The following UST variants were observed in gnomAD, a reference collection of about 807,000 sequenced individuals.
UST encodes the protein chondroitin sulfate 2-O-sulfotransferase.
A neutral mutation model predicts 45.6 loss-of-function variants in UST; 21 were observed. The observed-to-expected ratio is 0.46, with a 90% CI of 0.33 to 0.66. UST has a LOEUF of 0.66. UST is among the 30% of genes least tolerant of loss of function. The probability of loss-of-function intolerance (pLI) is 0.02; values close to 1 mark genes in which losing one functional copy is unlikely to be tolerated. For missense variants in UST, 463 were observed against 512.4 expected, an observed-to-expected ratio of 0.90 and a Z score of 0.93; for synonymous variants, 215 against 200.6, an observed-to-expected ratio of 1.07 and a Z score of -0.61.
intron 3 of UST, among the ~76,000 whole-genome samples, chr6:148,945,480 G>A (rs115290317): frequency 2.6e-5 from 4 of 152,304 alleles, no homozygotes; most frequent in African/African-American, 9.6e-5. Flanking sequence ...CTTTAATGAA[G>A]TGTCACAAGA....
chr6:148,864,388 C>T (rs1326288582), intron 1 of UST, among the ~76,000 whole-genome samples: 1 of 152,206 alleles, frequency 6.6e-6, no homozygotes, highest in Non-Finnish European at 1.5e-5. Flanking sequence ...CCTGATTTTC[C>T]AGGTGCCATG....
At chr6:149,024,386 A>G (rs1024677946) in intron 7 of UST, among the ~76,000 whole-genome samples, 29 of 152,158 alleles carry the variant, frequency 1.9e-4, no homozygotes, top group African/African-American at 5.8e-4. Context: ...TGCCCAATAA[A>G]ATGAACCTTT....
intron 4 of UST, among the ~76,000 whole-genome samples, chr6:148,960,629 G>C (rs1246046752): frequency 6.6e-6 from 1 of 152,170 alleles, no homozygotes; most frequent in East Asian, 1.9e-4. Flanking sequence ...TTTGGAGACG[G>C]GTGATAATGA....
chr6:148,866,103 G>A (rs985855917), intron 1 of UST, among the ~76,000 whole-genome samples: 1 of 142,980 alleles, frequency 7.0e-6, no homozygotes, highest in African/African-American at 2.6e-5. Flanking sequence ...ATTCTTCCCT[G>A]CTTTTTTCCA....
At chr6:148,966,125 G>A (rs1180756472) in intron 5 of UST, among the ~76,000 whole-genome samples, 2 of 151,982 alleles carry the variant, frequency 1.3e-5, no homozygotes, top group Non-Finnish European at 2.9e-5. Flanking sequence ...TTGGGAGGCT[G>A]AGGCAGGAGA....
chr6:149,019,107 A>G, intron 5 of UST, 32 bp from the exon 6 acceptor site: 3 of 1,517,196 alleles, frequency 2.0e-6, no homozygotes, highest in Non-Finnish European at 2.7e-6. Flanking sequence ...CAGAGACTAC[A>G]AGACATCTGA....
chr6:149,018,226 C>T (rs534164890), intron 5 of UST, among the ~76,000 whole-genome samples: 1 of 152,192 alleles, frequency 6.6e-6, no homozygotes, highest in South Asian at 2.1e-4. Context: ...GCTAAACACC[C>T]ACACCTAAAC....
At chr6:148,875,785 C>T (rs996070170) in intron 1 of UST, among the ~76,000 whole-genome samples, 1 of 152,232 alleles carries the variant, frequency 6.6e-6, no homozygotes, top group African/African-American at 2.4e-5. Context: ...GCTTCGGCGA[C>T]ACAGCAAGAC....
At chr6:148,768,305 T>G (rs1230450446) in intron 1 of UST, among the ~76,000 whole-genome samples, 2 of 152,164 alleles carry the variant, frequency 1.3e-5, no homozygotes, top group African/African-American at 4.8e-5. Context: ...TTAAATTTCT[T>G]TTGCAATTTT....
chr6:148,827,345 G>A (rs941802804), intron 1 of UST, among the ~76,000 whole-genome samples: 1 of 152,100 alleles, frequency 6.6e-6, no homozygotes, highest in Non-Finnish European at 1.5e-5. Context: ...GTCTGGGGCC[G>A]GCCGCGGTGG....
chr6:148,877,508 G>T (rs796823920), intron 1 of UST, among the ~76,000 whole-genome samples: 1 of 99,040 alleles, frequency 1.0e-5, no homozygotes, highest in East Asian at 4.0e-4. Context: ...GTGTGTGGGT[G>T]GGGGGGTTGT....
chr6:149,008,906 A>G (rs1775761479), intron 5 of UST, among the ~76,000 whole-genome samples: 2 of 152,230 alleles, frequency 1.3e-5, no homozygotes, highest in Non-Finnish European at 2.9e-5. Context: ...AAACGCTACC[A>G]ATGTCAGCAC....
At chr6:148,840,470 C>G (rs1365645768) in intron 1 of UST, among the ~76,000 whole-genome samples, 1 of 152,084 alleles carries the variant, frequency 6.6e-6, no homozygotes, top group Non-Finnish European at 1.5e-5. Flanking sequence ...TTCGTCATAT[C>G]CTAGTGGTTA....
rs74618217 is a variant in UST at position 148,995,657 on chromosome 6, A to G, written c.682-23482A>G. ...GACTTGCCGACGTGTTTTGTTTCAT[A>G]TATGGGTTTTGTTGTTGTTTGTAGT... On this transcript the variant is annotated intron_variant, in intron 5 of 7. Coordinates refer to ENST00000367463, the MANE Select transcript of UST (RefSeq NM_005715.3). 5.3e-3 allele frequency among the ~76,000 whole-genome samples: 809 copies of G among 152,354 alleles called. 3 individuals carry two copies. The highest frequency in any genetic ancestry group is 9.4e-3 in the Non-Finnish European group (640 of 68,028).
intron 1 of UST, among the ~76,000 whole-genome samples, chr6:148,861,798 T>C (rs1003356526): frequency 2.6e-5 from 4 of 152,232 alleles, no homozygotes; most frequent in Admixed American, 1.3e-4. Flanking sequence ...TTCCATGTAG[T>C]TGAGCGGTAT....
At chr6:149,030,587 C>T (rs557361763) in intron 7 of UST, among the ~76,000 whole-genome samples, 3 of 152,130 alleles carry the variant, frequency 2.0e-5, no homozygotes, top group South Asian at 2.1e-4. Flanking sequence ...TTTTTAAAAA[C>T]TCAATTATCA....
intron 1 of UST, among the ~76,000 whole-genome samples, chr6:148,872,039 G>A (rs1449323674): frequency 6.6e-6 from 1 of 152,118 alleles, no homozygotes; most frequent in Non-Finnish European, 1.5e-5. Flanking sequence ...TTCTGAAATC[G>A]TGTATGTGGC....
chr6:149,040,914 C>A (rs546414912), intron 7 of UST, among the ~76,000 whole-genome samples: 5 of 152,320 alleles, frequency 3.3e-5, no homozygotes, highest in African/African-American at 9.6e-5. Context: ...TAGAGACAGG[C>A]ACTCTTTGCC....
intron 7 of UST, among the ~76,000 whole-genome samples, chr6:149,049,470 T>A (rs960318671): frequency 2.0e-5 from 3 of 152,234 alleles, no homozygotes; most frequent in Non-Finnish European, 2.9e-5. Flanking sequence ...GTTAGTCATA[T>A]CTTTGGGTGG....
Sources: gnomAD v4.1 joint callset for allele counts (sites outside exome capture counted in the v4.1 genomes callset) on GRCh38, gnomAD v4.1.1 for gene constraint, MANE v1.5 for transcripts, NCBI Gene and HGNC (gene_info 2026-07-23, HGNC 2026-07-21) for gene names.